Variants in RARB observed in about 807,000 individuals in gnomAD.
The protein encoded by RARB is retinoic acid receptor beta.
In RARB, 17 loss-of-function variants were observed where a neutral mutation model predicts 51.9. The ratio of observed to expected loss-of-function variants is 0.33; its 90% CI spans 0.22 to 0.49. The LOEUF (loss-of-function observed/expected upper bound fraction) is 0.49. RARB is among the 20% of genes least tolerant of loss of function. RARB has a pLI of 0.99. For synonymous variants in RARB, 215 were observed against 195.4 expected (o/e 1.10, Z -0.84); for missense variants, 369 against 550.8 (o/e 0.67, Z 3.30).
chr3:24,938,031 T>C (rs1265448390), intron 2 of RARB, among the ~76,000 whole-genome samples: 2 of 111,468 alleles, frequency 1.8e-5, no homozygotes, highest in Non-Finnish European at 3.8e-5. Flanking sequence ...TGTGTACCCC[T>C]ATGCACACAT....
intron 2 of RARB, among the ~76,000 whole-genome samples, chr3:24,978,642 C>G (rs1179683114): frequency 1.3e-5 from 2 of 151,726 alleles, no homozygotes; most frequent in African/African-American, 2.4e-5. Context: ...TGATTCATCT[C>G]TCTTTTCTTC....
intron 5 of RARB, among the ~76,000 whole-genome samples, chr3:25,306,794 T>A (rs1388334870): frequency 6.6e-6 from 1 of 152,240 alleles, no homozygotes; most frequent in Non-Finnish European, 1.5e-5. Flanking sequence ...TAATAATGCC[T>A]GATTATGAGC....
intron 3 of RARB, among the ~76,000 whole-genome samples, chr3:25,076,854 A>G (rs911582295): frequency 3.9e-5 from 6 of 152,346 alleles, no homozygotes; most frequent in Non-Finnish European, 7.3e-5. Flanking sequence ...ATGTGGGGTT[A>G]CTTTATGAAC....
At chr3:25,130,325 CATA>C (rs1234000974) in intron 3 of RARB, among the ~76,000 whole-genome samples, 3 of 152,046 alleles carry the variant, frequency 2.0e-5, no homozygotes, top group Non-Finnish European at 4.4e-5. Context: ...GTCACCTAAA[CATA>C]CAGCGTTCCC....
chr3:24,878,936 C>A (rs1201199987), intron 2 of RARB, among the ~76,000 whole-genome samples: 4 of 152,106 alleles, frequency 2.6e-5, no homozygotes, highest in Non-Finnish European at 4.4e-5. Flanking sequence ...TAAAATTTCT[C>A]ATTTTTATTT....
At chr3:25,196,535 G>C (rs1308453642) in intron 5 of RARB, among the ~76,000 whole-genome samples, 1 of 152,028 alleles carries the variant, frequency 6.6e-6, no homozygotes, top group African/African-American at 2.4e-5. Flanking sequence ...AAACATACGT[G>C]GGCATGTGTC....
intron 2 of RARB, among the ~76,000 whole-genome samples, chr3:24,946,837 C>G (rs1351875227): frequency 2.0e-5 from 3 of 152,152 alleles, no homozygotes; most frequent in South Asian, 4.1e-4. Flanking sequence ...TGCATTCCAG[C>G]CTGGGTGACA....
intron 5 of RARB, among the ~76,000 whole-genome samples, chr3:25,409,289 A>T (rs1210599156): frequency 6.6e-6 from 1 of 152,100 alleles, no homozygotes; most frequent in Non-Finnish European, 1.5e-5. Context: ...CATACAACTG[A>T]CTTTTCTTTT....
At chr3:25,377,282 C>A (rs553486954) in intron 5 of RARB, among the ~76,000 whole-genome samples, 1 of 152,258 alleles carries the variant, frequency 6.6e-6, no homozygotes, top group African/African-American at 2.4e-5. Context: ...TGAATACCAA[C>A]CCATATTGAA....
At chr3:25,407,163 C>G (rs756020230) in intron 5 of RARB, among the ~76,000 whole-genome samples, 109 of 152,280 alleles carry the variant, frequency 7.2e-4, no homozygotes, top group Non-Finnish European at 1.2e-3. Flanking sequence ...TTCGGCAGTT[C>G]CCCACTGCCT....
chr3:24,986,891 G>A (rs964281779), intron 2 of RARB, among the ~76,000 whole-genome samples: 1 of 152,094 alleles, frequency 6.6e-6, no homozygotes, highest in Non-Finnish European at 1.5e-5. Context: ...TCTCAGTGGG[G>A]TGCTATGCTT....
chr3:25,363,460 G>C (rs74325871), intron 5 of RARB, among the ~76,000 whole-genome samples: 2,977 of 152,192 alleles, frequency 0.02, 90 homozygotes, highest in African/African-American at 0.064. Flanking sequence ...TTCGCCATCT[G>C]GGTTGATGGC....
At chr3:25,489,938 G>T (rs1696647863) in intron 2 of RARB, among the ~76,000 whole-genome samples, 1 of 152,248 alleles carries the variant, frequency 6.6e-6, no homozygotes, top group African/African-American at 2.4e-5. Context: ...ACTCACCACA[G>T]CTTTTCCATA....
chr3:25,350,730 A>G (rs2125457014), intron 5 of RARB, among the ~76,000 whole-genome samples: 1 of 152,340 alleles, frequency 6.6e-6, no homozygotes, highest in East Asian at 1.9e-4. Flanking sequence ...TGCATGAATG[A>G]TTATATAAAT....
intron 5 of RARB, among the ~76,000 whole-genome samples, chr3:25,357,991 G>A (rs1175952509): frequency 5.3e-5 from 8 of 152,160 alleles, no homozygotes; most frequent in Non-Finnish European, 1.2e-4. Flanking sequence ...GGCTATACAG[G>A]CTCCTTTTTG....
At chr3:24,934,399 C>A (rs9883836) in intron 2 of RARB, among the ~76,000 whole-genome samples, 19 of 151,852 alleles carry the variant, frequency 1.3e-4, no homozygotes, top group Admixed American at 1.2e-3. Context: ...ATGTACTGTT[C>A]AGATGACTTC....
At chr3:25,087,435 C>A (rs1039989660) in intron 3 of RARB, among the ~76,000 whole-genome samples, 28 of 152,210 alleles carry the variant, frequency 1.8e-4, no homozygotes, top group African/African-American at 6.5e-4. Flanking sequence ...GCCATAATTC[C>A]TGGGTTCAAA....
In RARB at chr3:24,978,436, G is replaced by T. The variant is rs1026403783; in HGVS notation, c.-379-81689G>T. Reference sequence around the variant, plus strand: ...AATTATTGCCTCAATTTCAGAACCTGTTATTGGCCTATTCACAGATTCTAC... The same window carrying T: ...AATTATTGCCTCAATTTCAGAACCTTTTATTGGCCTATTCACAGATTCTAC... On this transcript the variant is annotated intron_variant, in intron 2 of 11. Coordinates refer to the RARB transcript ENST00000383772. 3.9e-5 allele frequency among the ~76,000 whole-genome samples: 6 copies of T among 152,122 alleles called. 1 individual carries two copies. The highest frequency in any genetic ancestry group is 3.9e-4 in the Admixed American group (6 of 15,274).
intron 3 of RARB, among the ~76,000 whole-genome samples, chr3:25,526,199 A>C (rs967110008): frequency 6.6e-6 from 1 of 152,188 alleles, no homozygotes; most frequent in Non-Finnish European, 1.5e-5. Context: ...CTGGGCTGGA[A>C]TAAGTCTTCT....
Sources: gnomAD v4.1 joint callset for allele counts (sites outside exome capture counted in the v4.1 genomes callset) on GRCh38, gnomAD v4.1.1 for gene constraint, MANE v1.5 for transcripts, NCBI Gene and HGNC (gene_info 2026-07-23, HGNC 2026-07-21) for gene names.